The following NCF2 variants were observed in gnomAD, a reference collection of about 807,000 sequenced individuals.
The protein encoded by NCF2 is neutrophil cytosol factor 2.
In NCF2, 45 loss-of-function variants were observed where a neutral mutation model predicts 70.9. That is an observed-to-expected ratio of 0.63 (90% CI 0.50 to 0.81). The LOEUF (loss-of-function observed/expected upper bound fraction) is 0.81, where lower values mean the gene tolerates loss of function less well. Ranked by LOEUF, NCF2 falls within the 40% of genes least tolerant of loss-of-function variation. The pLI, the probability that NCF2 is intolerant of heterozygous loss-of-function variation, is 0.00. For missense variants in NCF2, 522 were observed against 631.6 expected (o/e 0.83, Z 1.86); for synonymous variants, 203 against 233.6 (o/e 0.87, Z 1.19).
chr1:183,586,238 C>G (rs34715440), intron 2 of NCF2, among the ~76,000 whole-genome samples: 53,196 of 151,916 alleles, frequency 0.35, 9,878 homozygotes, highest in Middle Eastern at 0.43. Context: ...GGAGGGTAAG[C>G]CAGGAGAATC....
chr1:183,574,301 A>G (rs757258719), intron 4 of NCF2, among the ~76,000 whole-genome samples, 186 bp downstream of exon 4: 5 of 152,130 alleles, frequency 3.3e-5, no homozygotes, highest in Non-Finnish European at 7.4e-5. Context: ...CTGCCATCCC[A>G]TACTCTAGGC....
At chr1:183,588,643 T>C (rs924760469) in intron 1 of NCF2, among the ~76,000 whole-genome samples, 19 of 152,082 alleles carry the variant, frequency 1.2e-4, no homozygotes, top group African/African-American at 4.6e-4. Flanking sequence ...GTTATATTTG[T>C]TTACTATACA....
At chr1:183,576,251 C>T (rs1350752192) in intron 3 of NCF2, among the ~76,000 whole-genome samples, 1 of 152,132 alleles carries the variant, frequency 6.6e-6, no homozygotes, top group Non-Finnish European at 1.5e-5. Flanking sequence ...GCAGAGAGGG[C>T]CACTCAGCCA....
intron 1 of NCF2, among the ~76,000 whole-genome samples, chr1:183,588,843 C>T (rs1321474990): frequency 3.3e-5 from 5 of 152,204 alleles, no homozygotes; most frequent in African/African-American, 1.2e-4. Flanking sequence ...AGTGGTGGCC[C>T]ACACAACCTT....
intron 2 of NCF2, among the ~76,000 whole-genome samples, chr1:183,581,762 G>T (rs928457069): frequency 2.0e-5 from 3 of 151,400 alleles, no homozygotes; most frequent in Non-Finnish European, 4.4e-5. Flanking sequence ...TCCGCCTCCC[G>T]GTTCACGCCA....
At chr1:183,581,707 T>C (rs551846553) in intron 2 of NCF2, among the ~76,000 whole-genome samples, 213 of 151,734 alleles carry the variant, frequency 1.4e-3, no homozygotes, top group Middle Eastern at 6.8e-3. Flanking sequence ...CTCGCTCTGT[T>C]GCCCTGGCTG....
intron 3 of NCF2, among the ~76,000 whole-genome samples, chr1:183,576,433 G>A (rs1008580252): frequency 6.6e-6 from 1 of 152,156 alleles, no homozygotes; most frequent in African/African-American, 2.4e-5. Flanking sequence ...ATGTCTGGAG[G>A]GATTTTAGGT....
chr1:183,588,577 TTAAA>T (rs1282941563), intron 1 of NCF2, among the ~76,000 whole-genome samples: 1 of 151,974 alleles, frequency 6.6e-6, no homozygotes, highest in Non-Finnish European at 1.5e-5. Flanking sequence ...AACATTCAGT[TTAAA>T]TAAATAATAA....
chr1:183,597,621 C>T, the NCF2 span: 1 of 152,334 alleles, frequency 6.6e-6, no homozygotes, highest in South Asian at 2.1e-4. Context: ...CGTCTCCTTT[C>T]CCACTTTTGG....
intron 1 of NCF2, 119 bp from the exon 2 acceptor site, chr1:183,587,096 C>CCGACGAG: frequency 2.1e-6 from 2 of 959,462 alleles, no homozygotes; most frequent in Non-Finnish European, 3.4e-6. Context: ...CTGCCCTCGT[C>CCGACGAG]GGCACCTCGA....
chr1:183,565,705 T>C lies in NCF2; in HGVS notation c.999A>G (p.Pro333=). 6.2e-7 allele frequency: 1 copy of C among 1,612,398 alleles called. No individual in the cohort carries two copies. The highest frequency in any genetic ancestry group is 2.2e-5 in the East Asian group (1 of 44,886). The change falls in exon 10 of 15, where the codon CCA becomes CCG. Residue 333 remains proline, a splice_region_variant and synonymous_variant. Coordinates refer to ENST00000367535, the MANE Select transcript of NCF2 (RefSeq NM_000433.4). ...GGCTGTGGCTCCAGGACCACTCACC[T>C]GGTGACAGCTGGGGTCTTCCAGGGG... The part of the protein sequence containing the change: ...SKAPGRPQLS[P]GQKQKEEPKE...
At position 183,576,468 on chromosome 1, in the gene NCF2, G is replaced by T. The variant is rs36071574; in HGVS notation, c.366+1131C>A. On this transcript the variant is annotated intron_variant, in intron 3 of 14. Coordinates refer to ENST00000367535, the MANE Select transcript of NCF2 (RefSeq NM_000433.4). Reference sequence around the variant, plus strand: ...TTGTCACATTGGGTGGGGAGTGGTGGTGGCAGTGCTAGTAGCATCTAAAAG... The same window carrying T: ...TTGTCACATTGGGTGGGGAGTGGTGTTGGCAGTGCTAGTAGCATCTAAAAG... Among the ~76,000 whole-genome samples the T allele has an allele frequency of 1.3e-5, 2 of 152,164 alleles. 1 individual carries two copies.
At position 183,567,006 on chromosome 1, in the gene NCF2, A is replaced by G. The variant is rs1044330801; in HGVS notation, c.856-18T>C. On this transcript the variant is annotated intron_variant, in intron 8 of 14. Coordinates refer to ENST00000367535, the MANE Select transcript of NCF2 (RefSeq NM_000433.4). Reference sequence around the variant, plus strand: ...AGCCCCTTCTGCAGTGCAGCACCACAGAATCAGAAAGGAAAAAATAAAGAT... The same window carrying G: ...AGCCCCTTCTGCAGTGCAGCACCACGGAATCAGAAAGGAAAAAATAAAGAT... 7 of 1,614,162 alleles carry G rather than the reference A, an allele frequency of 4.3e-6. No homozygotes were observed. Among genetic ancestry groups the G allele is most frequent in the Non-Finnish European group, 5.9e-6 (7 of 1,180,018 alleles).
upstream of NCF2, among the ~76,000 whole-genome samples, chr1:183,593,096 C>G (rs755127576): frequency 6.8e-6 from 1 of 147,798 alleles, no homozygotes; most frequent in African/African-American, 2.5e-5. Context: ...CCCATGTGGC[C>G]CTTAATCACT....
intron 5 of NCF2, among the ~76,000 whole-genome samples, chr1:183,571,130 T>TC (rs1672539990): frequency 6.7e-6 from 1 of 148,982 alleles, no homozygotes; most frequent in Non-Finnish European, 1.5e-5. Flanking sequence ...TTTTTTTTTT[T>TC]TTTTTGAGAC....
At chr1:183,562,987 G>C (rs1239623946) in intron 13 of NCF2, among the ~76,000 whole-genome samples, 2 of 152,164 alleles carry the variant, frequency 1.3e-5, no homozygotes, top group African/African-American at 4.8e-5. Context: ...GCCCTGCTGG[G>C]CCTGCTGTTC....
rs796065030 is a variant in NCF2, at chr1:183,574,587, T to TTC, written c.399_400dup (p.Lys134ArgfsTer12). ...TTCTTCAGCTTTTTTCCATTCCTCC[T>TTC]TCTTGGCATACATGAAAGCAATGTT... On this transcript the variant is annotated frameshift_variant, in exon 4 of 15. Transcript: ENST00000367535. LOFTEE classifies it high-confidence loss of function. 1 of 1,614,190 alleles carries TTC rather than the reference T, an allele frequency of 6.2e-7. No individual in the cohort carries two copies. Among genetic ancestry groups the TTC allele is most frequent in the East Asian group, 2.2e-5 (1 of 44,876 alleles).
intron 7 of NCF2, chr1:183,567,604 C>G (rs1194519138): frequency 1.4e-5 from 8 of 569,110 alleles, no homozygotes; most frequent in Middle Eastern, 3.5e-4. Flanking sequence ...TGAGGACTTA[C>G]AATCCTTGCC....
rs981618260 is a variant in NCF2 at position 183,569,263 on chromosome 1, T to C, written c.670-78A>G. On this transcript the variant is annotated intron_variant, in intron 6 of 14. Transcript: ENST00000367535. ...GGGAGAGACAACAAACGGCTAATGGTAATTTGAGCATTCTTCCAGACCAGA... is the reference window on the plus strand; with the variant it reads ...GGGAGAGACAACAAACGGCTAATGGCAATTTGAGCATTCTTCCAGACCAGA... 4.7e-6 allele frequency: 6 copies of C among 1,285,136 alleles called. No homozygotes were observed. In the African/African-American group the frequency reaches 7.3e-5, roughly 16 times the overall value. The allele number at this position is 1,285,136 out of a possible 1,614,324, so 79.6% of individuals were successfully genotyped here.
Sources: allele counts gnomAD v4.1 joint callset (sites outside exome capture counted in the v4.1 genomes callset), GRCh38; gene constraint gnomAD v4.1.1; transcripts MANE v1.5; gene names NCBI Gene and HGNC (gene_info 2026-07-23, HGNC 2026-07-21).